Variants in FBXO34 observed in about 807,000 individuals in gnomAD.
FBXO34 encodes the protein F-box protein 34.
FBXO34 carries 12 observed loss-of-function variants against 24.5 expected under a neutral mutation model. The observed-to-expected ratio is 0.49, with a 90% CI of 0.31 to 0.79. The LOEUF is 0.79. Among genes scored for constraint, FBXO34 ranks in the 30% least tolerant of loss-of-function variants. FBXO34 has a pLI of 0.04. For missense variants in FBXO34, 823 were observed against 857.7 expected (o/e 0.96, Z 0.51); for synonymous variants, 320 against 311.9 (o/e 1.03, Z -0.27).
At chr14:55,435,278 ATT>A in the FBXO34 span, among the ~76,000 whole-genome samples, 19 of 143,880 alleles carry the variant, frequency 1.3e-4, no homozygotes, top group East Asian at 2.0e-4. Flanking sequence ...GTCAGGTGAA[ATT>A]TTTTTTTTTT....
chr14:55,294,356 G>T (rs1171194318), intron 1 of FBXO34, among the ~76,000 whole-genome samples: 2 of 152,038 alleles, frequency 1.3e-5, no homozygotes, highest in East Asian at 3.9e-4. Flanking sequence ...GTGCAGTGGT[G>T]TGAACACTGC....
the FBXO34 span, chr14:55,395,015 A>C: frequency 4.3e-6 from 2 of 469,452 alleles, no homozygotes; most frequent in Non-Finnish European, 8.6e-6. Context: ...TCTGCAGGTA[A>C]ATCTTCAGTT....
At chr14:55,380,736 A>AAAAC in the FBXO34 span, 1 of 1,277,406 alleles carries the variant, frequency 7.8e-7, no homozygotes, top group Non-Finnish European at 1.1e-6. Flanking sequence ...TAATTCCAAC[A>AAAAC]AAACTACTAA....
At chr14:55,428,640 G>A in the FBXO34 span, among the ~76,000 whole-genome samples, 1 of 151,780 alleles carries the variant, frequency 6.6e-6, no homozygotes, top group Non-Finnish European at 1.5e-5. Context: ...GGGCACATGT[G>A]GTAACCTATG....
At chr14:55,423,306 A>G in the FBXO34 span, among the ~76,000 whole-genome samples, 1 of 152,266 alleles carries the variant, frequency 6.6e-6, no homozygotes, top group Non-Finnish European at 1.5e-5. Context: ...ACCATGTGAT[A>G]CAGAACTATG....
At chr14:55,402,968 T>TATATAC in the FBXO34 span, among the ~76,000 whole-genome samples, 1 of 60,988 alleles carries the variant, frequency 1.6e-5, no homozygotes, top group East Asian at 4.9e-4. Flanking sequence ...TATATATATA[T>TATATAC]AAATAGCTGG....
At chr14:55,401,227 T>C in the FBXO34 span, among the ~76,000 whole-genome samples, 1 of 148,020 alleles carries the variant, frequency 6.8e-6, no homozygotes, top group Non-Finnish European at 1.5e-5. Flanking sequence ...CTGATTTTTC[T>C]TGTTATTTCC....
At chr14:55,371,873 G>GC (rs1317094943), downstream of FBXO34, among the ~76,000 whole-genome samples, 1 of 152,128 alleles carries the variant, frequency 6.6e-6, no homozygotes, top group African/African-American at 2.4e-5. Context: ...GCCCCACCCT[G>GC]CCCAGAAGTC....
At position 55,311,803 on chromosome 14, in the gene FBXO34, C is replaced by G. The variant is rs1882750686; in HGVS notation, c.-10-38578C>G. Among the ~76,000 whole-genome samples, 4 of 152,108 alleles carry G rather than the reference C, an allele frequency of 2.6e-5. No individual in the cohort carries two copies. The South Asian group carries it at 6.2e-4, about 24-fold the overall frequency. On this transcript the variant is annotated intron_variant, in intron 1 of 1. Coordinates refer to ENST00000313833, the MANE Select transcript of FBXO34 (RefSeq NM_017943.4). ...AGTGCAGTGGCATAATCTCAGCTCA[C>G]TGCAACCTCCACCTCCTGGGTTCAA... is the stretch of plus-strand genomic sequence containing the variant.
At chr14:55,319,651 A>G (rs1160765248) in intron 1 of FBXO34, among the ~76,000 whole-genome samples, 2 of 152,086 alleles carry the variant, frequency 1.3e-5, no homozygotes, top group Non-Finnish European at 2.9e-5. Flanking sequence ...CCAACATTCT[A>G]TATAGTGTGT....
At chr14:55,320,663 CAGG>C (rs1883099319) in intron 1 of FBXO34, among the ~76,000 whole-genome samples, 1 of 152,112 alleles carries the variant, frequency 6.6e-6, no homozygotes, top group South Asian at 2.1e-4. Flanking sequence ...GAGGCTGAGG[CAGG>C]AGAATGGTGT....
At chr14:55,411,929 C>G in the FBXO34 span, 1 of 1,059,826 alleles carries the variant, frequency 9.4e-7, no homozygotes, top group African/African-American at 1.6e-5. Context: ...CCGGCGAGCC[C>G]CCGGACCCCT....
chr14:55,370,923 G>A (rs1434083607), downstream of FBXO34, among the ~76,000 whole-genome samples: 1 of 151,990 alleles, frequency 6.6e-6, no homozygotes, highest in Non-Finnish European at 1.5e-5. Flanking sequence ...TTACAGTTGT[G>A]AGCCACCACG....
Position 55,337,593 on chromosome 14 carries a change from T to C in FBXO34, c.-10-12788T>C, listed in dbSNP as rs924712673. Among the ~76,000 whole-genome samples the C allele has an allele frequency of 3.9e-5, 6 of 152,368 alleles. No homozygotes were observed. The South Asian group carries it at 1.2e-3, about 32-fold the overall frequency. On this transcript the variant is annotated intron_variant, in intron 1 of 1. Transcript: ENST00000313833. ...CATTAGAAAATTACAGATTTGGAAATGAAAAGACTAAGGAATTGATGCATC... is the reference window on the plus strand; with the variant it reads ...CATTAGAAAATTACAGATTTGGAAACGAAAAGACTAAGGAATTGATGCATC...
At chr14:55,381,195 T>G in the FBXO34 span, among the ~76,000 whole-genome samples, 1 of 152,142 alleles carries the variant, frequency 6.6e-6, no homozygotes, top group Non-Finnish European at 1.5e-5. Flanking sequence ...CACCTCTGTC[T>G]TGGTCACCTT....
chr14:55,433,529 A>AT, the FBXO34 span: 2 of 1,103,626 alleles, frequency 1.8e-6, no homozygotes, highest in Non-Finnish European at 2.7e-6. Flanking sequence ...AAAGAAAGGC[A>AT]TTTTGCTTCT....
At chr14:55,401,132 CCTCT>C in the FBXO34 span, among the ~76,000 whole-genome samples, 4 of 151,962 alleles carry the variant, frequency 2.6e-5, no homozygotes, top group East Asian at 1.9e-4. Flanking sequence ...CCCATCCCTC[CCTCT>C]GAGAGATGGT....
chr14:55,418,464 A>T, the FBXO34 span, among the ~76,000 whole-genome samples: 1 of 152,224 alleles, frequency 6.6e-6, no homozygotes, highest in Non-Finnish European at 1.5e-5. Context: ...TCAAAACCTT[A>T]CAAGTTTGTA....
At chr14:55,369,811 G>A (rs774351489), downstream of FBXO34, 2 of 1,614,158 alleles carry the variant, frequency 1.2e-6, no homozygotes, top group Non-Finnish European at 1.7e-6. Flanking sequence ...TGCCCAGGTC[G>A]GTTTCTTCAT....
Sources: gnomAD v4.1 joint callset for allele counts (sites outside exome capture counted in the v4.1 genomes callset) on GRCh38, gnomAD v4.1.1 for gene constraint, MANE v1.5 for transcripts, NCBI Gene and HGNC (gene_info 2026-07-23, HGNC 2026-07-21) for gene names.